NAA11: variants seen among roughly 807,000 people sequenced by gnomAD.
NAA11 encodes N-alpha-acetyltransferase 11, NatA catalytic subunit, also known as N-alpha-acetyltransferase 11.
Under a neutral mutation model 16.1 loss-of-function variants are expected in NAA11, and 15 were observed. That is an observed-to-expected ratio of 0.93 (90% CI 0.62 to 1.44). NAA11 has a LOEUF of 1.44. Among genes scored for constraint, NAA11 ranks in the 40% most tolerant of loss-of-function variants. NAA11 has a pLI of 0.00. For missense variants in NAA11, 298 were observed against 291.3 expected, an observed-to-expected ratio of 1.02 and a Z score of -0.17; for synonymous variants, 122 against 112.4, an observed-to-expected ratio of 1.09 and a Z score of -0.54.
the NAA11 span, among the ~76,000 whole-genome samples, chr4:79,194,576 G>A: frequency 2.6e-5 from 4 of 151,918 alleles, no homozygotes; most frequent in Admixed American, 2.6e-4. Flanking sequence ...AAATGAGATT[G>A]GAAAGGAACT....
downstream of NAA11, among the ~76,000 whole-genome samples, chr4:79,313,583 GAA>G (rs1442768080): frequency 1.3e-5 from 2 of 152,168 alleles, no homozygotes; most frequent in African/African-American, 2.4e-5. Context: ...GATTTAAAAT[GAA>G]AAGAGTTTTT....
chr4:79,290,883 C>CT (rs1335544528), intron 2 of NAA11, among the ~76,000 whole-genome samples: 5 of 152,002 alleles, frequency 3.3e-5, no homozygotes, highest in African/African-American at 1.2e-4. Context: ...GGGTATTTTT[C>CT]TTTTCTCTGA....
At chr4:79,289,450 T>C (rs1723028268) in intron 2 of NAA11, among the ~76,000 whole-genome samples, 1 of 152,244 alleles carries the variant, frequency 6.6e-6, no homozygotes, top group African/African-American at 2.4e-5. Flanking sequence ...TAGCCATTAT[T>C]TACTAAGTGC....
chr4:79,177,081 T>C, the NAA11 span, among the ~76,000 whole-genome samples: 2 of 152,056 alleles, frequency 1.3e-5, no homozygotes, highest in African/African-American at 2.4e-5. Flanking sequence ...GTCTCACAGA[T>C]AGAAATAATT....
At chr4:79,214,021 A>G in the NAA11 span, among the ~76,000 whole-genome samples, 1 of 152,150 alleles carries the variant, frequency 6.6e-6, no homozygotes, top group Admixed American at 6.5e-5. Flanking sequence ...TGGTTGGTAA[A>G]TCATTGGTAG....
At chr4:79,171,041 A>G in the NAA11 span, among the ~76,000 whole-genome samples, 1 of 152,204 alleles carries the variant, frequency 6.6e-6, no homozygotes. Flanking sequence ...CATGTTGATA[A>G]CATAGTGCTT....
At chr4:79,214,538 G>A in the NAA11 span, among the ~76,000 whole-genome samples, 18 of 152,180 alleles carry the variant, frequency 1.2e-4, no homozygotes, top group African/African-American at 4.1e-4. Context: ...CGTGGCTCAC[G>A]CCTGTAATAC....
At chr4:79,323,875 C>A (rs1227236280) in intron 1 of NAA11, among the ~76,000 whole-genome samples, 1 of 151,648 alleles carries the variant, frequency 6.6e-6, no homozygotes, top group East Asian at 1.9e-4. Context: ...AGGTGGCGGG[C>A]GCCTGTAGTC....
chr4:79,318,093 AC>A (rs2110015078), intron 1 of NAA11, among the ~76,000 whole-genome samples: 1 of 152,292 alleles, frequency 6.6e-6, no homozygotes, highest in East Asian at 1.9e-4. Flanking sequence ...ACTGGGATTT[AC>A]CCCCAAAGAA....
chr4:79,238,041 ATG>A (rs1482206935), intron 2 of NAA11, among the ~76,000 whole-genome samples: 1 of 152,216 alleles, frequency 6.6e-6, no homozygotes, highest in African/African-American at 2.4e-5. Flanking sequence ...TTTCTAAGGA[ATG>A]TGCCAAGTAG....
intron 2 of NAA11, among the ~76,000 whole-genome samples, chr4:79,286,618 C>G (rs1394444057): frequency 6.6e-6 from 1 of 152,010 alleles, no homozygotes; most frequent in African/African-American, 2.4e-5. Flanking sequence ...GTGACTCGCT[C>G]AAATAACTTT....
Position 79,325,433 on chromosome 4 carries a change from G to C in NAA11, c.445C>G (p.Arg149Gly). 1 of 1,614,154 alleles carries C rather than the reference G, an allele frequency of 6.2e-7. No homozygotes were observed. The highest frequency in any genetic ancestry group is 8.5e-7 in the Non-Finnish European group (1 of 1,180,030). ...TCATCTGCCATCTGCGAGAGATCCC[G>C]CTTCATAGCATAAGCATCTTCCCCA... ...ADGEDAYAMK[R>G]DLSQMADELR... The change falls in exon 1 of 2, where the codon CGG (arginine) becomes GGG (glycine). Residue 149 changes from arginine (R) to glycine (G), a missense_variant. By Grantham distance (125) the Arg-to-Gly change is moderately radical. Transcript: ENST00000286794.
At chr4:79,244,647 C>A (rs1404531616) in intron 2 of NAA11, 1 of 141,094 alleles carries the variant, frequency 7.1e-6, no homozygotes, top group Admixed American at 7.2e-5. Flanking sequence ...TCCCCGTCTC[C>A]GTCTCCCGCT....
chr4:79,311,414 T>C (rs1388106292), intron 1 of NAA11, among the ~76,000 whole-genome samples: 1 of 152,198 alleles, frequency 6.6e-6, no homozygotes, highest in East Asian at 1.9e-4. Context: ...ATAGCATCTT[T>C]GACTTTCTAA....
chr4:79,258,112 C>T (rs1415109032), intron 2 of NAA11, among the ~76,000 whole-genome samples: 2 of 152,244 alleles, frequency 1.3e-5, no homozygotes, highest in Non-Finnish European at 2.9e-5. Flanking sequence ...AGCCCTGTCC[C>T]TTCCAAGTTG....
the NAA11 span, among the ~76,000 whole-genome samples, chr4:79,202,069 C>T: frequency 1.0e-3 from 159 of 151,664 alleles, no homozygotes; most frequent in Middle Eastern, 3.4e-3. Flanking sequence ...TCCTCTCCTA[C>T]TCCTTCCCTT....
chr4:79,164,015 G>A, the NAA11 span, among the ~76,000 whole-genome samples: 28 of 151,906 alleles, frequency 1.8e-4, no homozygotes, highest in African/African-American at 6.3e-4. Context: ...TCTTTTTATC[G>A]CTTTTTATCT....
chr4:79,195,978 G>A, the NAA11 span: 1 of 152,374 alleles, frequency 6.6e-6, no homozygotes, highest in African/African-American at 2.4e-5. Context: ...CCAGTCTCGA[G>A]TATGTCTTTA....
At chr4:79,245,319 C>T (rs556945368) in intron 2 of NAA11, 21 of 155,802 alleles carry the variant, frequency 1.3e-4, no homozygotes, top group Admixed American at 3.3e-4. Flanking sequence ...CCTGGCCACC[C>T]ATCATCTGGG....
Sources: allele counts gnomAD v4.1 joint callset (sites outside exome capture counted in the v4.1 genomes callset), GRCh38; gene constraint gnomAD v4.1.1; transcripts MANE v1.5; gene names NCBI Gene and HGNC (gene_info 2026-07-23, HGNC 2026-07-21).